Variants in LYZL1 observed in about 807,000 individuals in gnomAD.
LYZL1 encodes the protein lysozyme-like protein 1.
LYZL1 carries 16 observed loss-of-function variants against 17.9 expected under a neutral mutation model. That is an observed-to-expected ratio of 0.90 (90% CI 0.61 to 1.36). The LOEUF is 1.36. Among genes scored for constraint, LYZL1 ranks in the 40% most tolerant of loss-of-function variants. LYZL1 has a pLI of 0.00. For synonymous variants in LYZL1, 58 were observed against 71.8 expected, an observed-to-expected ratio of 0.81 and a Z score of 0.97; for missense variants, 149 against 188.4, an observed-to-expected ratio of 0.79 and a Z score of 1.22.
At chr10:29,293,127 C>CTTTTCTTTTTTTTT (rs1835397932) in intron 3 of LYZL1, among the ~76,000 whole-genome samples, 3 of 104,198 alleles carry the variant, frequency 2.9e-5, no homozygotes, top group African/African-American at 7.0e-5. Flanking sequence ...CTTTTCTTTT[C>CTTTTCTTTTTTTTT]TTTTTTCTTT....
At chr10:29,295,276 T>C (rs1835432713) in intron 3 of LYZL1, among the ~76,000 whole-genome samples, 1 of 152,252 alleles carries the variant, frequency 6.6e-6, no homozygotes. Context: ...TTTTTCCTTC[T>C]GGGTTTATTC....
chr10:29,296,374 T>C lies in LYZL1; in HGVS notation c.298+3697T>C, dbSNP rs28505516. Among the ~76,000 whole-genome samples, 70 of 152,180 alleles carry C rather than the reference T, an allele frequency of 4.6e-4. No individual in the cohort carries two copies. In the East Asian group the frequency reaches 0.01, roughly 22 times the overall value. On this transcript the variant is annotated intron_variant, in intron 3 of 4. Transcript: ENST00000649382. ...CAACAACAACAACAACAAAAAGCTC[T>C]GAAATCAGTAGCATTAGCTACTTCT...
intron 3 of LYZL1, among the ~76,000 whole-genome samples, chr10:29,299,471 T>C (rs192273001): frequency 4.3e-4 from 65 of 152,372 alleles, no homozygotes; most frequent in African/African-American, 1.5e-3. Context: ...TTTCTGATTT[T>C]CTTACTGAGA....
intron 3 of LYZL1, among the ~76,000 whole-genome samples, chr10:29,316,876 G>A (rs374247166): frequency 3.3e-5 from 5 of 151,668 alleles, no homozygotes; most frequent in African/African-American, 7.3e-5. Context: ...GCCACCACTC[G>A]CAGCTAACTT....
rs117590255 is a variant in LYZL1, at chr10:29,309,419, G to T, written c.299-691G>T. ...CAATATGAAATGACAATAGACAAAG[G>T]TTTAATATTTACCTCCAAAGAGAAC... On this transcript the variant is annotated intron_variant, in intron 3 of 4. Coordinates refer to ENST00000649382, the MANE Select transcript of LYZL1 (RefSeq NM_032517.6). 5.3e-5 allele frequency among the ~76,000 whole-genome samples: 8 copies of T among 152,082 alleles called. No homozygotes were observed. The East Asian group carries it at 5.8e-4, about 11-fold the overall frequency.
chr10:29,306,499 G>A (rs1371181695), intron 3 of LYZL1, among the ~76,000 whole-genome samples: 2 of 119,502 alleles, frequency 1.7e-5, no homozygotes, highest in Admixed American at 1.1e-4. Context: ...GCAGTGAGCC[G>A]AGATCCCGCC....
chr10:29,308,011 ATC>A (rs1835618874), intron 3 of LYZL1, among the ~76,000 whole-genome samples: 1 of 152,124 alleles, frequency 6.6e-6, no homozygotes, highest in Non-Finnish European at 1.5e-5. Flanking sequence ...TTCTCTAAAA[ATC>A]AAAAACAAAA....
In LYZL1 at chr10:29,293,129, T is replaced by TTTC. The variant is rs772170792; in HGVS notation, c.298+454_298+455insCTT. Among the ~76,000 whole-genome samples, 757 of 115,700 alleles carry TTTC rather than the reference T, an allele frequency of 6.5e-3. 14 individuals are homozygous for TTTC. Among genetic ancestry groups the TTTC allele is most frequent in the African/African-American group, 0.018 (532 of 29,462 alleles). The allele number at this position is 115,700 out of a possible 152,430, so 75.9% of individuals were successfully genotyped here. A position where few individuals can be genotyped will look rare whatever the true frequency, so the allele number is the denominator to read the frequency against. On this transcript the variant is annotated intron_variant, in intron 3 of 4. Transcript: ENST00000649382. ...TTTCTTTTTTTTTCTTTTCTTTTCT[T>TTTC]TTTTCTTTTTTTTTTTTTTTTGAGA...
chr10:29,302,058 T>C (rs1218047425), intron 3 of LYZL1, among the ~76,000 whole-genome samples: 1 of 152,246 alleles, frequency 6.6e-6, no homozygotes, highest in Non-Finnish European at 1.5e-5. Flanking sequence ...TAAGTAAGCA[T>C]GTTTATAAGA....
At chr10:29,299,346 C>G (rs1219437705) in intron 3 of LYZL1, among the ~76,000 whole-genome samples, 1 of 151,782 alleles carries the variant, frequency 6.6e-6, no homozygotes. Context: ...TCTAATATGT[C>G]TTTAATCTTG....
intron 3 of LYZL1, among the ~76,000 whole-genome samples, chr10:29,316,707 CTTTTTTTTTTTCTTTTTT>C (rs1378210680): frequency 2.4e-5 from 3 of 126,390 alleles, no homozygotes; most frequent in Non-Finnish European, 5.1e-5. Context: ...TTTCCTTTTC[CTTTTTTTTTTTCTTTTTT>C]TTTTAGAGGC....
chr10:29,315,812 G>A (rs192265013), downstream of LYZL1, among the ~76,000 whole-genome samples: 310 of 151,228 alleles, frequency 2.0e-3, 1 homozygote, highest in African/African-American at 7.1e-3. Flanking sequence ...CCGTACCACC[G>A]CGCTCCAGTC....
chr10:29,313,139 T>C (rs946994479), downstream of LYZL1, among the ~76,000 whole-genome samples: 2 of 152,190 alleles, frequency 1.3e-5, no homozygotes, highest in Non-Finnish European at 2.9e-5. Context: ...GTTATATATT[T>C]CTAAACATAC....
At position 29,311,029 on chromosome 10, in the gene LYZL1, C is replaced by T. The variant is rs571241049; in HGVS notation, c.417C>T (p.Ser139=). The change falls in exon 5 of 5, where the codon TCC becomes TCT. Residue 139 remains serine, a synonymous_variant. Transcript: ENST00000649382. ...WKKHCEGRDL[S]EWKKGCEVS is the part of the protein sequence containing the mutation. Reference sequence around the variant, plus strand: ...AACATTGTGAGGGCAGAGACCTGTCCGAGTGGAAAAAAGGCTGTGAGGTTT... The same window carrying T: ...AACATTGTGAGGGCAGAGACCTGTCTGAGTGGAAAAAAGGCTGTGAGGTTT... The T allele has an allele frequency of 7.4e-6, 12 of 1,614,110 alleles. No homozygotes were observed. Among genetic ancestry groups the T allele is most frequent in the East Asian group, 2.2e-5 (1 of 44,874 alleles).
intron 3 of LYZL1, among the ~76,000 whole-genome samples, chr10:29,305,907 A>T (rs1350363813): frequency 6.6e-6 from 1 of 152,238 alleles, no homozygotes; most frequent in Non-Finnish European, 1.5e-5. Context: ...GGAAAATTCC[A>T]CTTCCAACAG....
chr10:29,309,022 C>G (rs1292434033), intron 3 of LYZL1, among the ~76,000 whole-genome samples: 1 of 151,578 alleles, frequency 6.6e-6, no homozygotes. Context: ...AAACTTAAAA[C>G]TTTTTGCATA....
At chr10:29,290,412 G>A (rs3000465) in intron 1 of LYZL1, among the ~76,000 whole-genome samples, 8,882 of 152,220 alleles carry the variant, frequency 0.058, 359 homozygotes, top group Non-Finnish European at 0.084. Context: ...GCTCCCCCAG[G>A]TGCTTTCCTC....
chr10:29,292,627 G>A lies in LYZL1; in HGVS notation c.248G>A (p.Cys83Tyr), dbSNP rs751552110. The A allele has an allele frequency of 3.1e-6, 5 of 1,614,248 alleles. No homozygotes were observed. In the East Asian group the frequency reaches 6.7e-5, roughly 22 times the overall value. ...TTCCAGATCAACAGCTTCGCGTGGT[G>A]CAGACGCGGAAAGCTGAAGGAGAAC... is the stretch of plus-strand genomic sequence containing the variant. ...GIFQINSFAW[C>Y]RRGKLKENNH... The change falls in exon 3 of 5, where the codon TGC (cysteine) becomes TAC (tyrosine). Residue 83 changes from cysteine (C) to tyrosine (Y), a missense_variant. This residue lies in a region of LYZL1 where 130 missense variants were observed against 132.5 expected (regional missense o/e 0.98). Transcript: ENST00000649382.
intron 3 of LYZL1, among the ~76,000 whole-genome samples, chr10:29,301,294 T>C (rs142983329): frequency 6.6e-6 from 1 of 152,194 alleles, no homozygotes; most frequent in Non-Finnish European, 1.5e-5. Flanking sequence ...TCCCCAGCCA[T>C]GTGGAACTAT....
Sources: allele counts gnomAD v4.1 joint callset (sites outside exome capture counted in the v4.1 genomes callset), GRCh38; gene constraint gnomAD v4.1.1; regional missense constraint gnomAD v4.1.1; transcripts MANE v1.5; gene names NCBI Gene and HGNC (gene_info 2026-07-23, HGNC 2026-07-21).